SEC11C: variants seen among roughly 807,000 people sequenced by gnomAD.
SEC11C encodes the protein SEC11 homolog C, signal peptidase complex subunit.
A neutral mutation model predicts 21.9 loss-of-function variants in SEC11C; 10 were observed. The ratio of observed to expected loss-of-function variants is 0.46; its 90% confidence interval spans 0.28 to 0.77. The LOEUF (loss-of-function observed/expected upper bound fraction) is 0.77, where lower values mean the gene tolerates loss of function less well. SEC11C is among the 30% of genes least tolerant of loss of function. The pLI is 0.12. For synonymous variants in SEC11C, 83 were observed against 85.6 expected (o/e 0.97, Z 0.17); for missense variants, 145 against 244.5 (o/e 0.59, Z 2.71).
chr18:59,154,224 A>G (rs893887018), intron 3 of SEC11C, among the ~76,000 whole-genome samples: 23 of 152,300 alleles, frequency 1.5e-4, no homozygotes, highest in African/African-American at 5.5e-4. Flanking sequence ...TCTAAAGATG[A>G]TCAATTGTTC....
At chr18:59,144,771 G>A (rs2069251478) in intron 1 of SEC11C, among the ~76,000 whole-genome samples, 1 of 147,174 alleles carries the variant, frequency 6.8e-6, no homozygotes, top group South Asian at 2.2e-4. Flanking sequence ...CAAAAAAAAA[G>A]GAAGGGGTTG....
intron 2 of SEC11C, among the ~76,000 whole-genome samples, chr18:59,150,630 A>G (rs1394087624): frequency 6.6e-6 from 1 of 152,166 alleles, no homozygotes; most frequent in Non-Finnish European, 1.5e-5. Context: ...AGGGAAGCAC[A>G]CTCATGGATT....
chr18:59,142,071 G>T (rs781771512), intron 1 of SEC11C, among the ~76,000 whole-genome samples: 6 of 151,922 alleles, frequency 3.9e-5, no homozygotes, highest in Non-Finnish European at 8.8e-5. Flanking sequence ...TTTTTTTCCA[G>T]ACCGCAGTCA....
chr18:59,153,653 C>T (rs544245714), intron 3 of SEC11C, among the ~76,000 whole-genome samples: 2 of 152,096 alleles, frequency 1.3e-5, no homozygotes, highest in South Asian at 2.1e-4. Context: ...CGGGTTCAAG[C>T]GATTCTTCTG....
In SEC11C at chr18:59,140,041, G is replaced by A. The variant is rs758904869; in HGVS notation, c.87+6G>A. ...AGAAGATGAACAAGCGCCAGGTGAC[G>A]GAGGAGGGTGGTGAGCGCGCCGTGG... On this transcript the variant is annotated splice_donor_region_variant and intron_variant, in intron 1 of 5. Transcript: ENST00000587834. 4.4e-6 allele frequency: 7 copies of A among 1,575,548 alleles called. No individual in the cohort carries two copies. The highest frequency in any genetic ancestry group is 6.1e-6 in the Non-Finnish European group (7 of 1,156,520).
chr18:59,150,323 T>A (rs1273934433), intron 2 of SEC11C, among the ~76,000 whole-genome samples: 1 of 152,236 alleles, frequency 6.6e-6, no homozygotes, highest in Admixed American at 6.5e-5. Context: ...AGTCACAGCC[T>A]ACCAGTGCAG....
chr18:59,149,629 C>G lies in SEC11C; in HGVS notation c.197+7C>G. On this transcript the variant is annotated splice_region_variant and intron_variant, in intron 2 of 5. Transcript: ENST00000587834. ...CCATCGTGGTGGTGCTGAGGTAGGT[C>G]CCCCAGGCTGGCCTCCAGCCTCCAA... 1 of 1,589,890 alleles carries G rather than the reference C, an allele frequency of 6.3e-7. No individual in the cohort carries two copies.
At chr18:59,157,001 A>C (rs1335966126) in intron 4 of SEC11C, 1 of 152,420 alleles carries the variant, frequency 6.6e-6, no homozygotes, top group East Asian at 1.9e-4. Context: ...TCCCATGAGC[A>C]GAGATGATTG....
chr18:59,140,176 C>G (rs2069193158), intron 1 of SEC11C, 141 bp downstream of exon 1: 2 of 653,630 alleles, frequency 3.1e-6, no homozygotes, highest in East Asian at 6.1e-5. Flanking sequence ...CTCTCAGGCC[C>G]TGGGTTCTAC....
chr18:59,156,039 A>T (rs1196600779), intron 4 of SEC11C: 2 of 394,212 alleles, frequency 5.1e-6, no homozygotes, highest in Non-Finnish European at 9.0e-6. Context: ...ATCTGTTTCA[A>T]AATAAATCCA....
intron 3 of SEC11C, 187 bp downstream of exon 3, chr18:59,152,872 C>T (rs1270224273): frequency 2.1e-6 from 1 of 467,782 alleles, no homozygotes; most frequent in Non-Finnish European, 3.7e-6. Context: ...CATAGTAACT[C>T]ACAAAGTGAT....
chr18:59,143,856 T>TTTTTCTTTTTTC (rs564136568), intron 1 of SEC11C, among the ~76,000 whole-genome samples: 68,436 of 145,744 alleles, frequency 0.47, 16,770 homozygotes, highest in East Asian at 0.85. Flanking sequence ...TGCCATTTTC[T>TTTTTCTTTTTTC]TTTTTTTTTT....
At chr18:59,153,929 A>G (rs1223984637) in intron 3 of SEC11C, among the ~76,000 whole-genome samples, 1 of 151,772 alleles carries the variant, frequency 6.6e-6, no homozygotes, top group Non-Finnish European at 1.5e-5. Context: ...CTGATCTCGA[A>G]CTCCTGACCT....
In SEC11C at chr18:59,152,654, A is replaced by G. The variant is rs115475850; in HGVS notation, c.316A>G (p.Ile106Val). 6.8e-6 allele frequency: 11 copies of G among 1,611,550 alleles called. No individual in the cohort carries two copies. The highest frequency in any genetic ancestry group is 1.6e-4 in the Middle Eastern group (1 of 6,076). The change falls in exon 3 of 6, where the codon ATA (isoleucine) becomes GTA (valine). Residue 106 changes from isoleucine to valine, a missense_variant. Coordinates refer to ENST00000587834, the MANE Select transcript of SEC11C (RefSeq NM_033280.4). ...TAAAGTTGAAGGACGAGACATTCCAATAGTTCACAGAGTAATCAAAGTTCA... is the reference window on the plus strand; with the variant it reads ...TAAAGTTGAAGGACGAGACATTCCAGTAGTTCACAGAGTAATCAAAGTTCA... Reference protein sequence around the residue: ...VFKVEGRDIPIVHRVIKVHEK... With the variant: ...VFKVEGRDIPVVHRVIKVHEK...
intron 1 of SEC11C, among the ~76,000 whole-genome samples, chr18:59,145,161 A>G (rs1413459186): frequency 6.6e-6 from 1 of 152,242 alleles, no homozygotes; most frequent in Non-Finnish European, 1.5e-5. Flanking sequence ...TATAATAGGA[A>G]GACCTAGGCT....
At chr18:59,152,036 G>A (rs564348615) in intron 2 of SEC11C, among the ~76,000 whole-genome samples, 2 of 152,134 alleles carry the variant, frequency 1.3e-5, no homozygotes, top group East Asian at 1.9e-4. Context: ...CTTGGGTTCC[G>A]GTTTTGTCCC....
At position 59,155,679 on chromosome 18, in the gene SEC11C, G is replaced by T. The variant is rs1350800479; in HGVS notation, c.348-9G>T. 6.2e-7 allele frequency: 1 copy of T among 1,608,410 alleles called. No homozygotes were observed. Among genetic ancestry groups the T allele is most frequent in the Admixed American group, 1.7e-5 (1 of 58,396 alleles). On this transcript the variant is annotated splice_polypyrimidine_tract_variant and intron_variant, in intron 3 of 5. Coordinates refer to ENST00000587834, the MANE Select transcript of SEC11C (RefSeq NM_033280.4). ...ATAATTTTTGAGAAGACATTATTTT[G>T]CTTTCCAGAGATAATGGAGACATCA...
intron 1 of SEC11C, among the ~76,000 whole-genome samples, chr18:59,148,619 C>CT (rs5825316): frequency 5.6e-4 from 83 of 147,046 alleles, no homozygotes; most frequent in Middle Eastern, 7.3e-3. Flanking sequence ...ACCTGTGCTC[C>CT]TTTTTTTTTT....
chr18:59,154,155 T>A (rs1394218631), intron 3 of SEC11C, among the ~76,000 whole-genome samples: 1 of 152,214 alleles, frequency 6.6e-6, no homozygotes, highest in Non-Finnish European at 1.5e-5. Context: ...GTTAGATTCC[T>A]GAGGAAGAAG....
Sources: gnomAD v4.1 joint callset for allele counts (sites outside exome capture counted in the v4.1 genomes callset) on GRCh38, gnomAD v4.1.1 for gene constraint, MANE v1.5 for transcripts, NCBI Gene and HGNC (gene_info 2026-07-23, HGNC 2026-07-21) for gene names.